The following ANKRD36B variants were observed in gnomAD, a reference collection of about 807,000 sequenced individuals.
ANKRD36B encodes the protein ankyrin repeat domain 36B.
Under a neutral mutation model 135.7 loss-of-function variants are expected in ANKRD36B, and 37 were observed. The observed-to-expected ratio is 0.27, with a 90% CI of 0.21 to 0.36. ANKRD36B has a LOEUF of 0.36. Among genes scored for constraint, ANKRD36B ranks in the 10% least tolerant of loss-of-function variants. ANKRD36B has a pLI of 1.00. For synonymous variants in ANKRD36B, 179 were observed against 348.1 expected (o/e 0.51, Z 5.41); for missense variants, 549 against 1,037.1 (o/e 0.53, Z 6.46).
chr2:97,568,919 T>C (rs1027411508), intron 6 of ANKRD36B, among the ~76,000 whole-genome samples: 2 of 152,158 alleles, frequency 1.3e-5, no homozygotes, highest in Non-Finnish European at 2.9e-5. Context: ...TAGACTGTTT[T>C]CAAAGTGATC....
At chr2:97,566,458 A>G (rs2081438562) in intron 6 of ANKRD36B, among the ~76,000 whole-genome samples, 1 of 152,204 alleles carries the variant, frequency 6.6e-6, no homozygotes, top group African/African-American at 2.4e-5. Flanking sequence ...TGGAGGCTAT[A>G]CTAAAATTAT....
At chr2:97,556,093 T>G (rs961700479) in intron 12 of ANKRD36B, among the ~76,000 whole-genome samples, 3 of 151,926 alleles carry the variant, frequency 2.0e-5, no homozygotes, top group African/African-American at 7.2e-5. Flanking sequence ...GTCTGCAAAA[T>G]TAGTCTACTC....
chr2:97,571,133 AC>A (rs2081825315), intron 6 of ANKRD36B, among the ~76,000 whole-genome samples: 1 of 152,248 alleles, frequency 6.6e-6, no homozygotes, highest in Non-Finnish European at 1.5e-5. Flanking sequence ...TAGAAGAGAA[AC>A]AAAAAGATCA....
intron 8 of ANKRD36B, 22 bp downstream of exon 8, chr2:97,560,643 T>C (rs747797606): frequency 1.9e-6 from 3 of 1,600,410 alleles, no homozygotes; most frequent in Non-Finnish European, 2.5e-6. Flanking sequence ...AACATGACAT[T>C]AGATGTGTTT....
chr2:97,526,890 A>C lies in ANKRD36B; in HGVS notation c.2266-3423T>G, dbSNP rs557339714. ...AAAGAAATGAACAAAGTCTCCAAAA[A>C]ATATGGGACTATGTGAAAAGACCAA... On this transcript the variant is annotated intron_variant, in intron 35 of 43. Coordinates refer to ENST00000359901, the MANE Select transcript of ANKRD36B (RefSeq NM_001393939.1). Among the ~76,000 whole-genome samples the C allele has an allele frequency of 2.1e-5, 2 of 96,718 alleles. 1 individual carries two copies. The highest frequency in any genetic ancestry group is 4.6e-4 in the East Asian group (2 of 4,342). The allele number at this position is 96,718 out of a possible 152,430, so 63.5% of individuals were successfully genotyped here.
chr2:97,494,186 C>T (rs2922561), intron 43 of ANKRD36B, among the ~76,000 whole-genome samples: 11,461 of 91,102 alleles, frequency 0.13, 611 homozygotes, highest in Middle Eastern at 0.19. Flanking sequence ...AAGAGCAACA[C>T]GGAAAAACAC....
intron 16 of ANKRD36B, among the ~76,000 whole-genome samples, 181 bp from the exon 17 acceptor site, chr2:97,551,661 G>A (rs1338909743): frequency 6.6e-6 from 1 of 151,916 alleles, no homozygotes; most frequent in African/African-American, 2.4e-5. Context: ...AGGAAACACA[G>A]GCTCCGTGAA....
Position 97,545,157 on chromosome 2 carries a change from C to A in ANKRD36B, c.1681+509G>T, listed in dbSNP as rs1307935190. ...ACTGAGGTTTCCTCAGCAGAAATCC[C>A]AAATTACATAAATAACTTCTTCTTT... is the stretch of plus-strand genomic sequence containing the variant. On this transcript the variant is annotated intron_variant, in intron 24 of 43. Coordinates refer to ENST00000359901, the MANE Select transcript of ANKRD36B (RefSeq NM_001393939.1). Among the ~76,000 whole-genome samples the A allele has an allele frequency of 3.2e-5, 3 of 95,228 alleles. 1 individual carries two copies. The highest frequency in any genetic ancestry group is 2.8e-4 in the Admixed American group (3 of 10,686). 62.5% of individuals were successfully genotyped at this position (95,228 alleles called of 152,430 possible). A position where few individuals can be genotyped will look rare whatever the true frequency, so the allele number is the denominator to read the frequency against.
Position 97,538,116 on chromosome 2 carries a change from G to A in ANKRD36B, c.2089+52C>T, listed in dbSNP as rs1457863531. 5.3e-6 allele frequency: 5 copies of A among 937,640 alleles called. 1 individual carries two copies. Among genetic ancestry groups the A allele is most frequent in the Non-Finnish European group, 4.8e-6 (3 of 627,152 alleles). The allele number at this position is 937,640 out of a possible 1,614,324, so 58.1% of individuals were successfully genotyped here. ...CTGCTGATCTATTCAGGGGTGGGAC[G>A]TTGTCTTCTATCTTGAGTGCACATG... On this transcript the variant is annotated intron_variant, in intron 32 of 43. Transcript: ENST00000359901.
chr2:97,571,414 G>A (rs2081855632), intron 6 of ANKRD36B, among the ~76,000 whole-genome samples: 2 of 152,042 alleles, frequency 1.3e-5, no homozygotes, highest in African/African-American at 4.8e-5. Flanking sequence ...TTGGGAGGCT[G>A]GGGCGGGCGG....
intron 28 of ANKRD36B, among the ~76,000 whole-genome samples, chr2:97,541,549 A>G (rs73959745): frequency 0.052 from 4,972 of 96,092 alleles, 1,507 homozygotes; most frequent in African/African-American, 0.15. Flanking sequence ...CTCTGTTTAT[A>G]ACAATATAAT....
At chr2:97,556,543 G>T (rs1242549109) in intron 12 of ANKRD36B, among the ~76,000 whole-genome samples, 1 of 151,758 alleles carries the variant, frequency 6.6e-6, no homozygotes, top group Non-Finnish European at 1.5e-5. Context: ...GTGTCTACGG[G>T]TTATTATGAC....
intron 16 of ANKRD36B, among the ~76,000 whole-genome samples, chr2:97,552,583 TA>T (rs929880419): frequency 2.0e-5 from 3 of 151,924 alleles, no homozygotes; most frequent in African/African-American, 7.2e-5. Context: ...CAAAATCTAA[TA>T]TTTTTTAAGG....
chr2:97,547,771 A>C (rs746494749), intron 20 of ANKRD36B, 40 bp from the exon 21 acceptor site: 13 of 1,542,438 alleles, frequency 8.4e-6, no homozygotes, highest in Non-Finnish European at 1.1e-5. Flanking sequence ...CATATGTAAA[A>C]ATGACAAAAT....
Position 97,560,694 on chromosome 2 carries a change from T to G in ANKRD36B, c.836A>C (p.Glu279Ala). Residue 279 changes from glutamate to alanine, a missense_variant, in exon 8 of 44, where the codon GAA (glutamate) becomes GCA (alanine). Glu to Ala is a moderately radical substitution (Grantham distance 107, BLOSUM62 -1). Transcript: ENST00000359901. ...CCCAGATATAGGTCCCTCCTTTATT[T>G]CTGTGGCTATATTTGAAACAGAATC... ...DKDSVSNIAT[E>A]IKEGPISGTV... 6.2e-7 allele frequency: 1 copy of G among 1,603,580 alleles called. No individual in the cohort carries two copies. The highest frequency in any genetic ancestry group is 1.1e-5 in the South Asian group (1 of 90,978).
At chr2:97,547,344 TA>T in intron 22 of ANKRD36B, 191 bp downstream of exon 22, 1 of 671,254 alleles carries the variant, frequency 1.5e-6, no homozygotes, top group Non-Finnish European at 2.4e-6. Context: ...GGGAAGTGTA[TA>T]ACCTTACTGC....
rs2260343 is a variant in ANKRD36B at position 97,524,290 on chromosome 2, G to A, written c.2266-823C>T. 10 of 94,182 alleles carry A rather than the reference G, an allele frequency of 1.1e-4. 3 individuals carry two copies. The highest frequency in any genetic ancestry group is 4.8e-4 in the South Asian group (2 of 4,178). The allele number at this position is 94,182 out of a possible 1,614,324, so 5.8% of individuals were successfully genotyped here. On this transcript the variant is annotated intron_variant, in intron 35 of 43. Transcript: ENST00000359901. ...GCATATGTCCGATGTTTAATTTCCA[G>A]TTAGCGGTGTTTTGGTTTTTTGTCA...
chr2:97,538,507 A>G lies in ANKRD36B; in HGVS notation c.1988-144T>C, dbSNP rs1327272506. On this transcript the variant is annotated intron_variant, in intron 30 of 43. Coordinates refer to ENST00000359901, the MANE Select transcript of ANKRD36B (RefSeq NM_001393939.1). ...GTTTTACAGTTTGTGTCTTTGGGACAGGAACATGAGGAAATATGCTGAAGA... is the reference window on the plus strand; with the variant it reads ...GTTTTACAGTTTGTGTCTTTGGGACGGGAACATGAGGAAATATGCTGAAGA... 30 of 510,144 alleles carry G rather than the reference A, an allele frequency of 5.9e-5. 10 individuals are homozygous for G. Among genetic ancestry groups the G allele is most frequent in the Non-Finnish European group, 8.8e-5 (26 of 295,936 alleles). The allele number at this position is 510,144 out of a possible 1,614,324, so 31.6% of individuals were successfully genotyped here.
intron 14 of ANKRD36B, 64 bp downstream of exon 14, chr2:97,554,996 T>C (rs924357359): frequency 1.9e-6 from 3 of 1,563,442 alleles, no homozygotes; most frequent in South Asian, 1.1e-5. Context: ...CTGATTTATT[T>C]GGGGAAGAGA....
Sources: gnomAD v4.1 joint callset for allele counts (sites outside exome capture counted in the v4.1 genomes callset) on GRCh38, gnomAD v4.1.1 for gene constraint, MANE v1.5 for transcripts, NCBI Gene and HGNC (gene_info 2026-07-23, HGNC 2026-07-21) for gene names.